CASK: variants seen among roughly 807,000 people sequenced by gnomAD.
The protein encoded by CASK is calcium/calmodulin dependent serine protein kinase.
A neutral mutation model predicts 82.9 loss-of-function variants in CASK; 4 were observed. The ratio of observed to expected loss-of-function variants is 0.05; its 90% CI spans 0.02 to 0.11. The LOEUF is 0.11. Among genes scored for constraint, CASK ranks in the 10% least tolerant of loss-of-function variants. The pLI is 1.00. For missense variants in CASK, 358 were observed against 720.9 expected (o/e 0.50, Z 5.76); for synonymous variants, 259 against 253.5 (o/e 1.02, Z -0.20).
At chrX:41,533,782 C>T (rs2064839087) in intron 24 of CASK, among the ~76,000 whole-genome samples, 1 of 111,616 alleles carries the variant, frequency 9.0e-6, no homozygotes, top group African/African-American at 3.3e-5. Flanking sequence ...CTTCAGCCTG[C>T]TGAGTAGCTG....
chrX:41,540,427 C>T (rs891264353), intron 22 of CASK, among the ~76,000 whole-genome samples: 1 of 112,557 alleles, frequency 8.9e-6, no homozygotes. Flanking sequence ...ATAGACAGTA[C>T]AAGAATACTT....
At chrX:41,534,656 A>T in intron 24 of CASK, 50 bp downstream of exon 24, 1 of 981,100 alleles carries the variant, frequency 1.0e-6, no homozygotes, top group Non-Finnish European at 1.5e-6. Flanking sequence ...TTATAGAGTT[A>T]AAAAAGTGAT....
chrX:41,517,430 T>C lies in CASK; in HGVS notation c.*2990A>G, dbSNP rs2064569334. On this transcript the variant is annotated 3_prime_UTR_variant, in exon 27 of 27. Transcript: ENST00000378163. The stretch of plus-strand genomic sequence containing the variant: ...TCCAGATGAATTAAATTGAGTGACA[T>C]TTCCCTTTTTAGCATTAAAATGGGA... The C allele has an allele frequency of 1.3e-5, 2 of 157,328 alleles. No individual in the cohort carries two copies. The highest frequency in any genetic ancestry group is 1.5e-4 in the Admixed American group (2 of 13,374). The allele number at this position is 157,328 out of a possible 1,213,427, so 13.0% of individuals were successfully genotyped here.
intron 16 of CASK, among the ~76,000 whole-genome samples, chrX:41,563,441 T>TA (rs1208918524): frequency 5.4e-4 from 54 of 99,253 alleles, no homozygotes; most frequent in East Asian, 2.1e-3. Context: ...AATAGAAAGT[T>TA]AAAAAAAAAG....
chrX:41,680,128 G>A (rs2147518324), intron 5 of CASK, among the ~76,000 whole-genome samples: 1 of 107,492 alleles, frequency 9.3e-6, no homozygotes, highest in Non-Finnish European at 1.9e-5. Flanking sequence ...TGAACCCAGT[G>A]AGCTGAGATT....
At chrX:41,848,448 T>C (rs1264853467) in intron 2 of CASK, among the ~76,000 whole-genome samples, 2 of 111,675 alleles carry the variant, frequency 1.8e-5, no homozygotes, top group Non-Finnish European at 3.8e-5. Flanking sequence ...GTACCTCCCA[T>C]CTCTCTCTTG....
At chrX:41,746,324 T>C (rs907803857) in intron 3 of CASK, among the ~76,000 whole-genome samples, 2 of 111,441 alleles carry the variant, frequency 1.8e-5, no homozygotes, top group Non-Finnish European at 3.8e-5. Context: ...AGTACACCAT[T>C]TTCTTTTTTA....
chrX:41,712,773 C>T (rs1025710630), intron 5 of CASK, among the ~76,000 whole-genome samples: 7 of 112,316 alleles, frequency 6.2e-5, no homozygotes, highest in African/African-American at 1.9e-4. Flanking sequence ...CTATCGTGAA[C>T]CTAAGATTGG....
chrX:41,681,124 C>T (rs1275555198), intron 5 of CASK, among the ~76,000 whole-genome samples: 1 of 111,117 alleles, frequency 9.0e-6, no homozygotes, highest in Non-Finnish European at 1.9e-5. Context: ...TTTGAAAAAA[C>T]TCGTGGACCA....
At chrX:41,676,543 G>A (rs2067268820) in intron 5 of CASK, 6 of 1,082,569 alleles carry the variant, frequency 5.5e-6, no homozygotes, top group Non-Finnish European at 7.4e-6. Context: ...ACGCGGCCTC[G>A]CCTGGGTCTA....
In CASK at chrX:41,517,770, TAGC is replaced by T. The variant is rs760277976; in HGVS notation, c.*2647_*2649del. ...TTAGTGGACAATTGTAATGTAGCAGTAGCAGCAGCAGCAGCAGCAGCAGCAGCA... is the reference window on the plus strand; with the variant it reads ...TTAGTGGACAATTGTAATGTAGCAGTAGCAGCAGCAGCAGCAGCAGCAGCA... On this transcript the variant is annotated 3_prime_UTR_variant, in exon 27 of 27. Coordinates refer to ENST00000378163, the MANE Select transcript of CASK (RefSeq NM_001367721.1). 0.028 allele frequency: 18,545 copies of T among 653,496 alleles called. 255 individuals carry two copies. Among genetic ancestry groups the T allele is most frequent in the East Asian group, 0.14 (3,317 of 24,048 alleles). The allele number at this position is 653,496 out of a possible 1,213,427, so 53.9% of individuals were successfully genotyped here.
intron 1 of CASK, among the ~76,000 whole-genome samples, chrX:41,896,694 A>G (rs1356561099): frequency 1.8e-5 from 2 of 111,864 alleles, no homozygotes; most frequent in Non-Finnish European, 3.8e-5. Flanking sequence ...AGAGATTTAT[A>G]GGGTATGTGA....
At chrX:41,760,779 C>A (rs1055441965) in intron 3 of CASK, among the ~76,000 whole-genome samples, 1 of 110,687 alleles carries the variant, frequency 9.0e-6, no homozygotes, top group Non-Finnish European at 1.9e-5. Flanking sequence ...TTCATTAATT[C>A]AAAAAAAATT....
intron 8 of CASK, among the ~76,000 whole-genome samples, chrX:41,656,696 G>A (rs764195559): frequency 1.0e-3 from 114 of 111,298 alleles, no homozygotes; most frequent in African/African-American, 3.6e-3. Context: ...GTCCCCACTA[G>A]ATATTCTTTC....
chrX:41,742,093 T>C (rs1468016400), intron 4 of CASK, among the ~76,000 whole-genome samples: 2 of 111,884 alleles, frequency 1.8e-5, no homozygotes, highest in Non-Finnish European at 3.8e-5. Context: ...AGAGACCTTA[T>C]CTCTGAAATG....
At chrX:41,667,972 T>G (rs1240941081) in intron 6 of CASK, among the ~76,000 whole-genome samples, 1 of 111,925 alleles carries the variant, frequency 8.9e-6, no homozygotes, top group Non-Finnish European at 1.9e-5. Context: ...TATATATTTT[T>G]GTCAGGCTTT....
rs186235952 is a variant in CASK, at chrX:41,599,772, T to C, written c.1155+10132A>G. ...AGCTTGACTGTTCTCTATGCCTTTT[T>C]CAAGTGGTCAAATAACTCTAAAATT... On this transcript the variant is annotated intron_variant, in intron 12 of 26. Transcript: ENST00000378163. 1.3e-4 allele frequency among the ~76,000 whole-genome samples: 14 copies of C among 111,792 alleles called. No individual in the cohort carries two copies. The East Asian group carries it at 3.9e-3, about 31-fold the overall frequency.
intron 2 of CASK, among the ~76,000 whole-genome samples, chrX:41,791,469 T>G (rs1353891081): frequency 9.0e-6 from 1 of 110,736 alleles, no homozygotes; most frequent in African/African-American, 3.3e-5. Flanking sequence ...ACACCTGTAA[T>G]CCCAGCACTT....
chrX:41,682,827 C>G (rs5964034), intron 5 of CASK, among the ~76,000 whole-genome samples: 16,311 of 109,643 alleles, frequency 0.15, 949 homozygotes, highest in Middle Eastern at 0.19. Flanking sequence ...GTTGCCCAGG[C>G]TCATCTCAAA....
Sources: allele counts gnomAD v4.1 joint callset (sites outside exome capture counted in the v4.1 genomes callset), GRCh38; gene constraint gnomAD v4.1.1; transcripts MANE v1.5; gene names NCBI Gene and HGNC (gene_info 2026-07-23, HGNC 2026-07-21).